The following PLA2G4E variants were observed in gnomAD, a reference collection of about 807,000 sequenced individuals.
The protein encoded by PLA2G4E is cytosolic phospholipase A2 epsilon.
Under a neutral mutation model 109.1 loss-of-function variants are expected in PLA2G4E, and 84 were observed. The observed-to-expected ratio is 0.77, with a 90% CI of 0.65 to 0.92. The LOEUF is 0.92. Ranked by LOEUF, PLA2G4E falls within the 40% of genes least tolerant of loss-of-function variation. The pLI is 0.00. For synonymous variants in PLA2G4E, 469 were observed against 436.1 expected (o/e 1.08, Z -0.94); for missense variants, 1,057 against 1,076.6 (o/e 0.98, Z 0.25).
At position 41,989,328 on chromosome 15, in the gene PLA2G4E, CG is replaced by C. The variant is rs988764746; in HGVS notation, c.1723+86del. 8.7e-5 allele frequency: 135 copies of C among 1,546,252 alleles called. 1 individual carries two copies. In the African/African-American group the frequency reaches 1.5e-3, roughly 17 times the overall value. On this transcript the variant is annotated intron_variant, in intron 15 of 19. Coordinates refer to ENST00000399518, the Ensembl canonical transcript of PLA2G4E. ...GATGAGACAATGCTGGCAAGTGCCC[CG>C]AGTGTCACATAATCAGGGGCCAACC...
chr15:42,013,681 T>G lies in PLA2G4E; in HGVS notation c.256+4A>C, dbSNP rs1262923301. The G allele has an allele frequency of 1.2e-5, 19 of 1,549,702 alleles. No homozygotes were observed. The highest frequency in any genetic ancestry group is 1.5e-5 in the Non-Finnish European group (17 of 1,146,140). On this transcript the variant is annotated splice_donor_region_variant and intron_variant, in intron 2 of 19. Coordinates refer to ENST00000399518, the Ensembl canonical transcript of PLA2G4E. The stretch of plus-strand genomic sequence containing the variant: ...AGAAGGAGAGAAGTGAGGTGGATAC[T>G]CACGCATATCAGCCTGCCGGACATT...
chr15:42,048,361 G>A (rs1442935076), intron 1 of PLA2G4E, among the ~76,000 whole-genome samples: 2 of 152,242 alleles, frequency 1.3e-5, no homozygotes, highest in South Asian at 2.1e-4. Flanking sequence ...ACACATGACT[G>A]TAGTTATCGT....
At chr15:42,015,345 C>T (rs1209651018) in intron 1 of PLA2G4E, among the ~76,000 whole-genome samples, 1 of 152,222 alleles carries the variant, frequency 6.6e-6, no homozygotes, top group African/African-American at 2.4e-5. Context: ...GACCGCAGCG[C>T]TCTCCCAGTG....
intron 1 of PLA2G4E, among the ~76,000 whole-genome samples, chr15:42,029,856 G>T (rs950913834): frequency 2.6e-5 from 4 of 152,192 alleles, no homozygotes; most frequent in African/African-American, 9.7e-5. Flanking sequence ...TAACATCAGG[G>T]ATACAAAGAC....
At chr15:41,986,084 C>A (rs2068137372) in intron 17 of PLA2G4E, 79 bp from the exon 18 acceptor site, 1 of 1,456,950 alleles carries the variant, frequency 6.9e-7, no homozygotes, top group Non-Finnish European at 9.3e-7. Flanking sequence ...GGGGACGGAG[C>A]GCCCTGTCTG....
chr15:42,027,859 G>GACCTCCTGGGCCA (rs1382455515), intron 1 of PLA2G4E, among the ~76,000 whole-genome samples: 11 of 67,208 alleles, frequency 1.6e-4, no homozygotes, highest in African/African-American at 5.5e-4. Flanking sequence ...TTCTGTGGCA[G>GACCTCCTGGGCCA]CCCTCCTGGG....
intron 6 of PLA2G4E, among the ~76,000 whole-genome samples, chr15:42,001,695 T>A (rs372569473): frequency 6.6e-6 from 1 of 152,104 alleles, no homozygotes; most frequent in Non-Finnish European, 1.5e-5. Context: ...AGCCGAAATA[T>A]GAATTTTTGT....
At chr15:42,033,954 T>C (rs1889161343) in intron 1 of PLA2G4E, among the ~76,000 whole-genome samples, 1 of 151,970 alleles carries the variant, frequency 6.6e-6, no homozygotes, top group Non-Finnish European at 1.5e-5. Flanking sequence ...AGGGATTGGG[T>C]GGAGTGGGAG....
At chr15:42,008,365 T>C (rs2068498907) in intron 2 of PLA2G4E, among the ~76,000 whole-genome samples, 1 of 152,174 alleles carries the variant, frequency 6.6e-6, no homozygotes, top group Non-Finnish European at 1.5e-5. Context: ...GGCAAGGACT[T>C]GAGTGAAACT....
At chr15:41,999,476 C>A in intron 10 of PLA2G4E, 48 bp downstream of exon 10, 1 of 1,384,644 alleles carries the variant, frequency 7.2e-7, no homozygotes, top group Non-Finnish European at 1.0e-6. Context: ...ACTGCACACC[C>A]ACTGCTATGA....
chr15:42,011,893 C>A (rs2068539582), intron 2 of PLA2G4E, among the ~76,000 whole-genome samples: 1 of 152,120 alleles, frequency 6.6e-6, no homozygotes, highest in South Asian at 2.1e-4. Context: ...ACAAGAAAGG[C>A]AAGAGAGGTG....
chr15:42,037,343 TG>T (rs1889235365), intron 1 of PLA2G4E, among the ~76,000 whole-genome samples: 2 of 152,216 alleles, frequency 1.3e-5, no homozygotes, highest in Non-Finnish European at 2.9e-5. Flanking sequence ...CTCGAAGCCC[TG>T]GGCTCAGCCA....
chr15:41,989,635 A>G (rs910454234), intron 14 of PLA2G4E, 83 bp from the exon 15 acceptor site: 7 of 1,519,218 alleles, frequency 4.6e-6, no homozygotes, highest in African/African-American at 2.8e-5. Context: ...GCCTGCAGCC[A>G]CTGGCTCAGG....
At position 42,007,756 on chromosome 15, in the gene PLA2G4E, G is replaced by GAAGC; in HGVS notation, c.362_365dup (p.Phe122LeufsTer20). On this transcript the variant is annotated frameshift_variant, in exon 3 of 20. Transcript: ENST00000399518. LOFTEE classifies it high-confidence loss of function. ...TCACTCGGCTCTGGATCTGGAAGTT[G>GAAGC]AAGCTTTCATTCCACTCTGGATTTG... The GAAGC allele has an allele frequency of 6.2e-7, 1 of 1,612,768 alleles. No individual in the cohort carries two copies. Among genetic ancestry groups the GAAGC allele is most frequent in the South Asian group, 1.1e-5 (1 of 90,558 alleles).
At chr15:41,987,077 G>T (rs1474150350) in intron 17 of PLA2G4E, 95 bp downstream of exon 17, 30 of 1,308,564 alleles carry the variant, frequency 2.3e-5, no homozygotes, top group Non-Finnish European at 3.1e-5. Context: ...CATAGCCAGA[G>T]AAGTTTTCTT....
rs2068424467 is a variant in PLA2G4E at position 42,001,943 on chromosome 15, T to C, written c.609+711A>G. On this transcript the variant is annotated intron_variant, in intron 6 of 19. Transcript: ENST00000399518. ...CCCGGGCTCAAGTGATCCCCCAACC[T>C]TGGCCTCCCAAAGTGCTGGGATTAT... is the stretch of plus-strand genomic sequence containing the variant. Among the ~76,000 whole-genome samples, 3 of 152,326 alleles carry C rather than the reference T, an allele frequency of 2.0e-5. No individual in the cohort carries two copies. The South Asian group carries it at 6.2e-4, about 32-fold the overall frequency.
intron 18 of PLA2G4E, among the ~76,000 whole-genome samples, chr15:41,985,347 C>T (rs1421207783): frequency 6.6e-6 from 1 of 152,168 alleles, no homozygotes; most frequent in East Asian, 1.9e-4. Context: ...ATAGAACTTT[C>T]CAAAGTAAAT....
In PLA2G4E at chr15:41,990,177, AG is replaced by A; in HGVS notation, c.1528del (p.Leu510CysfsTer13). On this transcript the variant is annotated frameshift_variant, in exon 14 of 20. Coordinates refer to ENST00000399518, the Ensembl canonical transcript of PLA2G4E. LOFTEE classifies it high-confidence loss of function. ...GACATTGATGGTGAGGTAGATGGGC[AG>A]GGGGTTCTGGCCGCAGCTCAAAGCA... 1 of 1,613,752 alleles carries A rather than the reference AG, an allele frequency of 6.2e-7. No homozygotes were observed. Among genetic ancestry groups the A allele is most frequent in the Non-Finnish European group, 8.5e-7 (1 of 1,179,828 alleles).
intron 14 of PLA2G4E, 68 bp from the exon 15 acceptor site, chr15:41,989,620 C>G (rs986032789): frequency 7.8e-6 from 12 of 1,539,438 alleles, no homozygotes; most frequent in Admixed American, 2.0e-5. Context: ...CCGGGCCCCC[C>G]TCCTGCCTGC....
Sources: gnomAD v4.1 joint callset for allele counts (sites outside exome capture counted in the v4.1 genomes callset) on GRCh38, gnomAD v4.1.1 for gene constraint, MANE v1.5 for transcripts, NCBI Gene and HGNC (gene_info 2026-07-23, HGNC 2026-07-21) for gene names.